The following TTC7A variants were observed in gnomAD, a reference collection of about 807,000 sequenced individuals.
TTC7A encodes the protein tetratricopeptide repeat protein 7A.
Under a neutral mutation model 103.7 loss-of-function variants are expected in TTC7A, and 110 were observed. The observed-to-expected ratio is 1.06, with a 90% CI of 0.91 to 1.24. TTC7A has a LOEUF of 1.24. Among genes scored for constraint, TTC7A ranks in the 50% most tolerant of loss-of-function variants. The pLI is 0.00. For missense variants in TTC7A, 1,340 were observed against 1,116.3 expected, an observed-to-expected ratio of 1.20 and a Z score of -2.86; for synonymous variants, 521 against 467.9, an observed-to-expected ratio of 1.11 and a Z score of -1.47.
chr2:46,922,624 C>G (rs905255873), intron 2 of TTC7A, among the ~76,000 whole-genome samples: 1 of 152,040 alleles, frequency 6.6e-6, no homozygotes, highest in East Asian at 1.9e-4. Flanking sequence ...GTTTCTGGTT[C>G]ATATGTACTT....
chr2:46,916,769 GGATTACAGGC>G, intron 1 of TTC7A, among the ~76,000 whole-genome samples: 1 of 152,258 alleles, frequency 6.6e-6, no homozygotes, highest in African/African-American at 2.4e-5. Context: ...CGAGTAGCTG[GGATTACAGGC>G]GCGTGCCACC....
rs1682718331 is a variant in TTC7A, at chr2:47,050,060, C to T, written c.2017+14C>T. 6 of 1,603,420 alleles carry T rather than the reference C, an allele frequency of 3.7e-6. No individual in the cohort carries two copies. The highest frequency in any genetic ancestry group is 5.1e-6 in the Non-Finnish European group (6 of 1,170,578). On this transcript the variant is annotated intron_variant, in intron 17 of 19. Coordinates refer to ENST00000319190, the MANE Select transcript of TTC7A (RefSeq NM_020458.4). ...ATGCAGACTCTGGTAAGAACGAGCTCCTTGGGCCACTGTGTGCATGGACCC... is the reference window on the plus strand; with the variant it reads ...ATGCAGACTCTGGTAAGAACGAGCTTCTTGGGCCACTGTGTGCATGGACCC...
At chr2:47,023,533 C>A in intron 13 of TTC7A, 68 bp downstream of exon 13, 1 of 1,497,014 alleles carries the variant, frequency 6.7e-7, no homozygotes, top group Non-Finnish European at 9.3e-7. Flanking sequence ...AGCTTTACGT[C>A]ATCAGACCCT....
At chr2:46,970,170 G>A (rs7605942) in intron 3 of TTC7A, among the ~76,000 whole-genome samples, 19,495 of 151,960 alleles carry the variant, frequency 0.13, 1,453 homozygotes, top group African/African-American at 0.2. Flanking sequence ...TTTCTATTTT[G>A]GGGGGGACGG....
intron 15 of TTC7A, 96 bp from the exon 16 acceptor site, chr2:47,046,215 TAGGG>T: frequency 1.2e-6 from 1 of 851,332 alleles, no homozygotes. Flanking sequence ...TTCTGCGAGT[TAGGG>T]AGGTGAGCAT....
intron 11 of TTC7A, among the ~76,000 whole-genome samples, chr2:47,015,669 G>A (rs1004577698): frequency 1.5e-4 from 23 of 152,288 alleles, no homozygotes; most frequent in African/African-American, 5.1e-4. Context: ...AGCACACTGC[G>A]GGTACCTGCA....
intron 2 of TTC7A, among the ~76,000 whole-genome samples, chr2:46,925,344 G>T (rs1437675224): frequency 6.6e-6 from 1 of 152,112 alleles, no homozygotes; most frequent in Non-Finnish European, 1.5e-5. Context: ...GATCACTTGA[G>T]GTCAGGAGTT....
chr2:46,952,254 G>A (rs1003651805), intron 2 of TTC7A, among the ~76,000 whole-genome samples: 3 of 152,262 alleles, frequency 2.0e-5, no homozygotes, highest in Non-Finnish European at 4.4e-5. Flanking sequence ...TGACCCCACA[G>A]ACCTTCCAGT....
At chr2:46,919,415 C>T (rs1234769329) in intron 2 of TTC7A, among the ~76,000 whole-genome samples, 2 of 152,176 alleles carry the variant, frequency 1.3e-5, no homozygotes, top group Admixed American at 6.5e-5. Flanking sequence ...TGCTTGTAAT[C>T]CCAGATACTC....
At chr2:47,024,734 G>A (rs897229997) in intron 14 of TTC7A, among the ~76,000 whole-genome samples, 1 of 152,096 alleles carries the variant, frequency 6.6e-6, no homozygotes, top group Admixed American at 6.5e-5. Flanking sequence ...GCTGTTGCAT[G>A]TTGGGCTTTC....
At chr2:47,013,469 C>T (rs576131319) in intron 11 of TTC7A, among the ~76,000 whole-genome samples, 2 of 152,252 alleles carry the variant, frequency 1.3e-5, no homozygotes, top group Admixed American at 1.3e-4. Context: ...CTGAGAGGGG[C>T]CTCAAGCTCA....
chr2:46,932,936 A>T (rs1193813117), intron 2 of TTC7A, among the ~76,000 whole-genome samples: 1 of 151,920 alleles, frequency 6.6e-6, no homozygotes, highest in Non-Finnish European at 1.5e-5. Flanking sequence ...GCAAAGATAT[A>T]TTTTAAGGCT....
rs1473138265 is a variant in TTC7A at position 47,024,324 on chromosome 2, C to T, written c.1606C>T (p.Leu536Phe). ...QLAPSDPQVILYVSLQLALVR... is the reference protein window; with the variant it reads ...QLAPSDPQVIFYVSLQLALVR... ...GGCGCCCAGTGACCCCCAGGTCATC[C>T]TCTATGTCTCGCTGCAGCTGGCCCT... Residue 536 changes from leucine (L) to phenylalanine (F), a missense_variant, in exon 14 of 20, where the codon CTC becomes TTC. Transcript: ENST00000319190. The T allele has an allele frequency of 2.5e-6, 4 of 1,609,702 alleles. No individual in the cohort carries two copies. The East Asian group carries it at 6.8e-5, about 27-fold the overall frequency.
At chr2:46,958,511 T>G (rs923547662) in intron 3 of TTC7A, 1 of 1,304,182 alleles carries the variant, frequency 7.7e-7, no homozygotes, top group African/African-American at 1.5e-5. Flanking sequence ...TCCGGCTTCT[T>G]GGGGGAACAC....
chr2:46,983,485 G>C (rs981916795), intron 5 of TTC7A, among the ~76,000 whole-genome samples: 5 of 152,214 alleles, frequency 3.3e-5, no homozygotes, highest in Admixed American at 6.5e-5. Flanking sequence ...TCTGCCAGTT[G>C]TGAGCTCCCA....
intron 5 of TTC7A, among the ~76,000 whole-genome samples, chr2:46,984,429 C>G (rs1004667939): frequency 1.3e-5 from 2 of 152,242 alleles, no homozygotes; most frequent in African/African-American, 4.8e-5. Context: ...TTTCTCCCCT[C>G]TAAGATGGGG....
At position 47,015,246 on chromosome 2, in the gene TTC7A, AT is replaced by A. The variant is rs558932590; in HGVS notation, c.1392+3818del. Among the ~76,000 whole-genome samples the A allele has an allele frequency of 7.2e-5, 11 of 152,332 alleles. 1 individual carries two copies. The South Asian group carries it at 2.1e-3, about 29-fold the overall frequency. Reference sequence around the variant, plus strand: ...AGCAGAAGGAAAGAGAGATGTAAATATTTTTTTGTATCCCTCCAATTATTTA... The same window carrying A: ...AGCAGAAGGAAAGAGAGATGTAAATATTTTTTGTATCCCTCCAATTATTTA... On this transcript the variant is annotated intron_variant, in intron 11 of 19. Transcript: ENST00000319190.
At chr2:46,976,203 C>G (rs918936175) in intron 4 of TTC7A, among the ~76,000 whole-genome samples, 1 of 152,232 alleles carries the variant, frequency 6.6e-6, no homozygotes, top group Admixed American at 6.5e-5. Flanking sequence ...TAATTTAACC[C>G]TCACACTGAC....
chr2:46,984,970 G>C (rs988005339), intron 5 of TTC7A, among the ~76,000 whole-genome samples: 4 of 152,146 alleles, frequency 2.6e-5, no homozygotes, highest in Admixed American at 2.0e-4. Flanking sequence ...CACCCCTCTG[G>C]GACCCTGAAT....
Sources: allele counts gnomAD v4.1 joint callset (sites outside exome capture counted in the v4.1 genomes callset), GRCh38; gene constraint gnomAD v4.1.1; transcripts MANE v1.5; gene names NCBI Gene and HGNC (gene_info 2026-07-23, HGNC 2026-07-21).